Variants in CNTN1 observed in about 807,000 individuals in gnomAD.
CNTN1 encodes contactin-1.
Under a neutral mutation model 126.4 loss-of-function variants are expected in CNTN1, and 38 were observed. The ratio of observed to expected loss-of-function variants is 0.30; its 90% CI spans 0.23 to 0.39. The LOEUF (loss-of-function observed/expected upper bound fraction) is 0.39, where lower values mean the gene tolerates loss of function less well. Among genes scored for constraint, CNTN1 ranks in the 10% least tolerant of loss-of-function variants. CNTN1 has a pLI of 1.00. For missense variants in CNTN1, 1,009 were observed against 1,248.4 expected (o/e 0.81, Z 2.89); for synonymous variants, 413 against 422.6 (o/e 0.98, Z 0.28).
chr12:40,971,920 A>G lies in CNTN1; in HGVS notation c.1805-8989A>G. The G allele has an allele frequency of 4.8e-6, 5 of 1,038,018 alleles. No individual in the cohort carries two copies. In the South Asian group the frequency reaches 1.4e-4, roughly 29 times the overall value. The allele number at this position is 1,038,018 out of a possible 1,614,324, so 64.3% of individuals were successfully genotyped here. A position where few individuals can be genotyped will look rare whatever the true frequency, so the allele number is the denominator to read the frequency against. ...GATTTATTCAAGCAGGTAATGAACA[A>G]TGTTGTCAAACTCTCTAATGAGACA... On this transcript the variant is annotated intron_variant, in intron 15 of 23. Transcript: ENST00000551295.
At chr12:41,068,338 A>T (rs1446470575) in intron 23 of CNTN1, among the ~76,000 whole-genome samples, 2 of 152,164 alleles carry the variant, frequency 1.3e-5, no homozygotes, top group Non-Finnish European at 2.9e-5. Context: ...AGCATCTCTC[A>T]AAGTAATGAT....
intron 16 of CNTN1, among the ~76,000 whole-genome samples, chr12:40,990,367 C>T (rs1188317129): frequency 6.6e-6 from 1 of 152,070 alleles, no homozygotes; most frequent in Non-Finnish European, 1.5e-5. Context: ...TTCGTTTTCC[C>T]CCTTTGAGAG....
At chr12:40,821,440 T>G (rs1235689848) in intron 1 of CNTN1, among the ~76,000 whole-genome samples, 2 of 152,242 alleles carry the variant, frequency 1.3e-5, no homozygotes, top group African/African-American at 4.8e-5. Flanking sequence ...ATTATTAGAA[T>G]TACTTGTTAT....
intron 15 of CNTN1, among the ~76,000 whole-genome samples, chr12:40,977,223 C>G (rs1192432863): frequency 2.0e-5 from 3 of 152,024 alleles, no homozygotes; most frequent in Non-Finnish European, 4.4e-5. Flanking sequence ...AGAGTTATTA[C>G]CAATAGAAAA....
chr12:40,972,073 G>A lies in CNTN1; in HGVS notation c.1805-8836G>A, dbSNP rs1016951601. On this transcript the variant is annotated intron_variant, in intron 15 of 23. Transcript: ENST00000551295. ...AGTAAACAACTGAAGTCCTACCATG[G>A]CTCTGTAGGGTTTTTGGAACAATTC... 2.1e-5 allele frequency: 21 copies of A among 985,592 alleles called. No homozygotes were observed. The African/African-American group carries it at 3.3e-4, about 16-fold the overall frequency. 61.1% of individuals were successfully genotyped at this position (985,592 alleles called of 1,614,324 possible). A position where few individuals can be genotyped will look rare whatever the true frequency, so the allele number is the denominator to read the frequency against.
intron 1 of CNTN1, among the ~76,000 whole-genome samples, chr12:40,702,981 A>G (rs117054087): frequency 0.013 from 1,993 of 152,230 alleles, 13 homozygotes; most frequent in Non-Finnish European, 0.019. Flanking sequence ...ATATTTTTCT[A>G]AGATATTTCC....
At position 41,070,563 on chromosome 12, in the gene CNTN1, A is replaced by G. The variant is rs1950139469; in HGVS notation, c.*528A>G. 6.5e-6 allele frequency: 1 copy of G among 153,720 alleles called. No homozygotes were observed. The highest frequency in any genetic ancestry group is 6.4e-5 in the Admixed American group (1 of 15,602). 9.5% of individuals were successfully genotyped at this position (153,720 alleles called of 1,614,324 possible). A position where few individuals can be genotyped will look rare whatever the true frequency, so the allele number is the denominator to read the frequency against. On this transcript the variant is annotated 3_prime_UTR_variant, in exon 24 of 24. Coordinates refer to ENST00000551295, the MANE Select transcript of CNTN1 (RefSeq NM_001843.4). The stretch of plus-strand genomic sequence containing the variant: ...TCTTGAGTTTTCTTGAAAAGACAAT[A>G]GAGTGTAACAAATATTTTGTCAGAA...
intron 17 of CNTN1, among the ~76,000 whole-genome samples, chr12:41,001,811 G>A (rs1007779333): frequency 2.0e-5 from 3 of 152,182 alleles, no homozygotes; most frequent in African/African-American, 7.2e-5. Flanking sequence ...TATGGTGTAA[G>A]GAAGGGGTCC....
At chr12:40,772,172 T>C (rs1343535442) in intron 1 of CNTN1, among the ~76,000 whole-genome samples, 1 of 152,080 alleles carries the variant, frequency 6.6e-6, no homozygotes, top group African/African-American at 2.4e-5. Context: ...TTATATGGAA[T>C]TGTGAATTAT....
At chr12:41,056,494 G>A (rs1188547497) in intron 23 of CNTN1, among the ~76,000 whole-genome samples, 1 of 152,118 alleles carries the variant, frequency 6.6e-6, no homozygotes, top group Non-Finnish European at 1.5e-5. Context: ...AACAAGAGAA[G>A]AGAAACAGAG....
intron 14 of CNTN1, among the ~76,000 whole-genome samples, chr12:40,957,325 G>A (rs1946923957): frequency 6.6e-6 from 1 of 151,914 alleles, no homozygotes; most frequent in Non-Finnish European, 1.5e-5. Flanking sequence ...CTGCCAACAA[G>A]ATGGCAGAGC....
chr12:41,033,424 C>T (rs1376362042), intron 23 of CNTN1, among the ~76,000 whole-genome samples: 1 of 152,020 alleles, frequency 6.6e-6, no homozygotes, highest in Non-Finnish European at 1.5e-5. Flanking sequence ...TGACAAGGAT[C>T]CTTGGTCATA....
At chr12:40,709,465 G>T (rs895451435) in intron 1 of CNTN1, among the ~76,000 whole-genome samples, 3 of 152,184 alleles carry the variant, frequency 2.0e-5, no homozygotes, top group African/African-American at 7.2e-5. Flanking sequence ...TCAGATTAAA[G>T]TCAGAAGCTA....
chr12:40,937,487 G>A (rs2136931740), intron 10 of CNTN1, 83 bp from the exon 11 acceptor site: 2 of 912,736 alleles, frequency 2.2e-6, no homozygotes, highest in Non-Finnish European at 3.6e-6. Flanking sequence ...GTATCTAAAT[G>A]AAAAGACAAC....
chr12:40,966,563 G>C (rs899525103), intron 15 of CNTN1, among the ~76,000 whole-genome samples: 1 of 152,124 alleles, frequency 6.6e-6, no homozygotes, highest in Non-Finnish European at 1.5e-5. Context: ...AAAATTTAAA[G>C]TCAGAACTTA....
intron 15 of CNTN1, chr12:40,971,701 G>T: frequency 7.3e-7 from 1 of 1,377,038 alleles, no homozygotes; most frequent in Non-Finnish European, 9.3e-7. Flanking sequence ...TAACTATAAT[G>T]CTTCACTAAT....
At chr12:40,870,959 T>C (rs1404133022) in intron 1 of CNTN1, among the ~76,000 whole-genome samples, 1 of 152,008 alleles carries the variant, frequency 6.6e-6, no homozygotes, top group Non-Finnish European at 1.5e-5. Flanking sequence ...TAGATGCAGT[T>C]CCTCCTTGAA....
At chr12:40,973,583 T>G (rs1947585356) in intron 15 of CNTN1, among the ~76,000 whole-genome samples, 1 of 152,178 alleles carries the variant, frequency 6.6e-6, no homozygotes. Context: ...GCTTTGCTTT[T>G]AATTACTTAC....
At chr12:40,736,704 C>T (rs1177283008) in intron 1 of CNTN1, among the ~76,000 whole-genome samples, 1 of 151,978 alleles carries the variant, frequency 6.6e-6, no homozygotes, top group Non-Finnish European at 1.5e-5. Context: ...CTAACTCACA[C>T]ATAATAAAAT....
Sources: gnomAD v4.1 joint callset for allele counts (sites outside exome capture counted in the v4.1 genomes callset) on GRCh38, gnomAD v4.1.1 for gene constraint, MANE v1.5 for transcripts, NCBI Gene and HGNC (gene_info 2026-07-23, HGNC 2026-07-21) for gene names.